Variants in PLEKHA5 observed in about 807,000 individuals in gnomAD.
The protein encoded by PLEKHA5 is pleckstrin homology domain-containing family A member 5.
A neutral mutation model predicts 181.9 loss-of-function variants in PLEKHA5; 55 were observed. The observed-to-expected ratio is 0.30, with a 90% CI of 0.24 to 0.38. PLEKHA5 has a LOEUF of 0.38. Among genes scored for constraint, PLEKHA5 ranks in the 10% least tolerant of loss-of-function variants. The pLI, the probability that PLEKHA5 is intolerant of heterozygous loss-of-function variation, is 1.00. For synonymous variants in PLEKHA5, 535 were observed against 529.4 expected (o/e 1.01, Z -0.15); for missense variants, 1,432 against 1,549.5 (o/e 0.92, Z 1.27).
At chr12:19,278,742 G>A (rs73331839) in intron 11 of PLEKHA5, among the ~76,000 whole-genome samples, 4,433 of 152,176 alleles carry the variant, frequency 0.029, 145 homozygotes, top group African/African-American at 0.086. Context: ...CCCATGGAGG[G>A]AAAGCCTCAA....
chr12:19,371,610 C>G (rs2095578336), intron 31 of PLEKHA5: 1 of 180,522 alleles, frequency 5.5e-6, no homozygotes, highest in South Asian at 1.6e-4. Flanking sequence ...TGGCCTCCAG[C>G]TCCATCCAAG....
chr12:19,200,286 A>T (rs1350264819), intron 3 of PLEKHA5: 1 of 1,456,900 alleles, frequency 6.9e-7, no homozygotes, highest in Admixed American at 2.0e-5. Flanking sequence ...AAAAAAATTT[A>T]AACATTAAAA....
At chr12:19,224,400 G>C (rs1239287758) in intron 3 of PLEKHA5, among the ~76,000 whole-genome samples, 9 of 151,912 alleles carry the variant, frequency 5.9e-5, no homozygotes, top group Admixed American at 4.6e-4. Flanking sequence ...TTTTTCCTGG[G>C]CAGAATTCTA....
chr12:19,219,352 A>T (rs139519120), intron 3 of PLEKHA5, among the ~76,000 whole-genome samples: 1 of 152,272 alleles, frequency 6.6e-6, no homozygotes, highest in East Asian at 1.9e-4. Flanking sequence ...TTTAGTAACA[A>T]TTCTGTTGAT....
chr12:19,327,247 G>GTTTTTT lies in PLEKHA5; in HGVS notation c.2448+4592_2448+4597dup, dbSNP rs55983306. Among the ~76,000 whole-genome samples, 9 of 138,526 alleles carry GTTTTTT rather than the reference G, an allele frequency of 6.5e-5. No homozygotes were observed. In the East Asian group the frequency reaches 6.6e-4, roughly 10 times the overall value. The allele number at this position is 138,526 out of a possible 152,430, so 90.9% of individuals were successfully genotyped here. ...TGCAGTCTTGCCAGCATCTGTTTTT[G>GTTTTTT]TTTTTTTTTTTTTTTTTACTTTTTA... is the stretch of plus-strand genomic sequence containing the variant. On this transcript the variant is annotated intron_variant, in intron 20 of 31. Coordinates refer to ENST00000429027, the MANE Select transcript of PLEKHA5 (RefSeq NM_001256470.2).
At chr12:19,247,494 C>A (rs886886243) in intron 3 of PLEKHA5, among the ~76,000 whole-genome samples, 4 of 152,054 alleles carry the variant, frequency 2.6e-5, no homozygotes, top group Non-Finnish European at 5.9e-5. Context: ...GTAGACATGT[C>A]ATTTTAGTGT....
intron 3 of PLEKHA5, among the ~76,000 whole-genome samples, chr12:19,166,672 T>G (rs2044468254): frequency 6.6e-6 from 1 of 152,216 alleles, no homozygotes; most frequent in South Asian, 2.1e-4. Context: ...AGTATCAACT[T>G]TCCATGTTTG....
intron 3 of PLEKHA5, among the ~76,000 whole-genome samples, chr12:19,155,927 G>C (rs549808217): frequency 3.9e-5 from 6 of 152,300 alleles, no homozygotes; most frequent in Admixed American, 2.0e-4. Flanking sequence ...TTCCTGTAAA[G>C]TATACGTTGA....
chr12:19,168,657 AT>A (rs1489988859), intron 3 of PLEKHA5, among the ~76,000 whole-genome samples: 1 of 152,196 alleles, frequency 6.6e-6, no homozygotes, highest in Non-Finnish European at 1.5e-5. Context: ...ATATGTGCAC[AT>A]TCTGATTTTC....
intron 3 of PLEKHA5, among the ~76,000 whole-genome samples, chr12:19,240,139 A>G (rs868628293): frequency 3.9e-5 from 6 of 152,324 alleles, no homozygotes; most frequent in Middle Eastern, 6.8e-3. Flanking sequence ...ATACTGCACG[A>G]TACGGAATAA....
At chr12:19,344,668 T>G (rs1323046694) in intron 22 of PLEKHA5, among the ~76,000 whole-genome samples, 1 of 152,210 alleles carries the variant, frequency 6.6e-6, no homozygotes, top group Non-Finnish European at 1.5e-5. Context: ...CCTGAAGGAT[T>G]ATTTCACATT....
At chr12:19,134,596 G>A (rs1428682535) in intron 3 of PLEKHA5, among the ~76,000 whole-genome samples, 1 of 152,096 alleles carries the variant, frequency 6.6e-6, no homozygotes, top group Non-Finnish European at 1.5e-5. Flanking sequence ...AATCCCTAAT[G>A]TGCACTGTAA....
chr12:19,325,971 C>T (rs1298947893), intron 20 of PLEKHA5, among the ~76,000 whole-genome samples: 3 of 152,040 alleles, frequency 2.0e-5, no homozygotes, highest in Non-Finnish European at 2.9e-5. Flanking sequence ...CACGCCATTG[C>T]ACTCCGGCCT....
At position 19,261,873 on chromosome 12, in the gene PLEKHA5, T is replaced by C. The variant is rs142484725; in HGVS notation, c.610+852T>C. On this transcript the variant is annotated intron_variant, in intron 7 of 31. Coordinates refer to ENST00000429027, the MANE Select transcript of PLEKHA5 (RefSeq NM_001256470.2). ...AAATTTATAGTTGTGTATTGAAGCA[T>C]TGTAATACATATTAACCTTCAAAAT... 4.9e-3 allele frequency among the ~76,000 whole-genome samples: 750 copies of C among 152,336 alleles called. 3 individuals carry two copies. The highest frequency in any genetic ancestry group is 0.017 in the African/African-American group (720 of 41,572).
chr12:19,143,929 T>C (rs1397508987), intron 3 of PLEKHA5, among the ~76,000 whole-genome samples: 1 of 152,236 alleles, frequency 6.6e-6, no homozygotes, highest in African/African-American at 2.4e-5. Flanking sequence ...ATATGAATAC[T>C]CTTGTATGCA....
chr12:19,136,832 A>G (rs768712470), intron 3 of PLEKHA5, among the ~76,000 whole-genome samples: 1 of 152,272 alleles, frequency 6.6e-6, no homozygotes, highest in African/African-American at 2.4e-5. Flanking sequence ...CAAATAGAGT[A>G]TGAGGTTTTG....
chr12:19,152,974 C>T (rs2040793925), intron 3 of PLEKHA5: 1 of 148,484 alleles, frequency 6.7e-6, no homozygotes, highest in Admixed American at 6.8e-5. Flanking sequence ...TTATGTCAGT[C>T]TTCTGTAAAT....
At chr12:19,329,546 C>T (rs577747875) in intron 20 of PLEKHA5, among the ~76,000 whole-genome samples, 13 of 152,062 alleles carry the variant, frequency 8.5e-5, no homozygotes, top group Non-Finnish European at 1.3e-4. Context: ...TCAGTTTCTT[C>T]CTGATTCAAT....
At chr12:19,300,438 T>C (rs7309621) in intron 15 of PLEKHA5, among the ~76,000 whole-genome samples, 18,596 of 152,190 alleles carry the variant, frequency 0.12, 1,143 homozygotes, top group South Asian at 0.17. Flanking sequence ...AAATACTATT[T>C]TACAGTTACA....
Sources: gnomAD v4.1 joint callset for allele counts (sites outside exome capture counted in the v4.1 genomes callset) on GRCh38, gnomAD v4.1.1 for gene constraint, MANE v1.5 for transcripts, NCBI Gene and HGNC (gene_info 2026-07-23, HGNC 2026-07-21) for gene names.